The following UNC5C variants were observed in gnomAD, a reference collection of about 807,000 sequenced individuals.
UNC5C encodes unc-5 netrin receptor C, also known as netrin receptor UNC5C.
UNC5C carries 47 observed loss-of-function variants against 99.8 expected under a neutral mutation model. The ratio of observed to expected loss-of-function variants is 0.47; its 90% CI spans 0.37 to 0.60. The LOEUF (loss-of-function observed/expected upper bound fraction) is 0.60. UNC5C is among the 20% of genes least tolerant of loss of function. The pLI, the probability that UNC5C is intolerant of heterozygous loss-of-function variation, is 0.00. For synonymous variants in UNC5C, 487 were observed against 452.2 expected (o/e 1.08, Z -0.98); for missense variants, 1,062 against 1,165.9 (o/e 0.91, Z 1.30).
At chr4:95,533,135 C>T (rs370115803) in intron 1 of UNC5C, among the ~76,000 whole-genome samples, 38 of 152,090 alleles carry the variant, frequency 2.5e-4, no homozygotes, top group African/African-American at 8.2e-4. Flanking sequence ...TGATGGCTCA[C>T]GCCTGTAATC....
intron 7 of UNC5C, among the ~76,000 whole-genome samples, chr4:95,224,819 A>G (rs1738616718): frequency 6.6e-6 from 1 of 151,856 alleles, no homozygotes. Flanking sequence ...GTTTGGAGAT[A>G]TCAGGATGGC....
At chr4:95,338,064 A>G (rs1743415617) in intron 1 of UNC5C, among the ~76,000 whole-genome samples, 1 of 152,058 alleles carries the variant, frequency 6.6e-6, no homozygotes, top group African/African-American at 2.4e-5. Context: ...AACTTGATTT[A>G]GTAGATATGT....
chr4:95,292,977 AG>A (rs139805677), intron 3 of UNC5C, among the ~76,000 whole-genome samples: 1 of 152,328 alleles, frequency 6.6e-6, no homozygotes, highest in African/African-American at 2.4e-5. Flanking sequence ...ATAATGATGA[AG>A]AAAAATGTTA....
At chr4:95,543,962 GC>G in intron 1 of UNC5C, among the ~76,000 whole-genome samples, 1 of 152,148 alleles carries the variant, frequency 6.6e-6, no homozygotes, top group African/African-American at 2.4e-5. Context: ...TCCATTTCTT[GC>G]TTTTGGGGAA....
chr4:95,181,478 AC>A (rs149360808), intron 14 of UNC5C, among the ~76,000 whole-genome samples: 54 of 151,480 alleles, frequency 3.6e-4, no homozygotes, highest in Admixed American at 1.8e-3. Context: ...AGACCCCCTC[AC>A]CCCCCTCCAA....
At chr4:95,183,721 A>G (rs1478302765) in intron 13 of UNC5C, among the ~76,000 whole-genome samples, 1 of 152,204 alleles carries the variant, frequency 6.6e-6, no homozygotes, top group Non-Finnish European at 1.5e-5. Context: ...AGGTTGCCAC[A>G]TAAAAAATGG....
intron 3 of UNC5C, among the ~76,000 whole-genome samples, chr4:95,292,204 TATAC>T (rs1193929702): frequency 3.6e-5 from 4 of 110,388 alleles, no homozygotes; most frequent in Non-Finnish European, 5.7e-5. Flanking sequence ...TACACATATA[TATAC>T]ATATATATAC....
At position 95,365,990 on chromosome 4, in the gene UNC5C, T is replaced by A. The variant is rs188606958; in HGVS notation, c.125-30359A>T. On this transcript the variant is annotated intron_variant, in intron 1 of 15. Coordinates refer to ENST00000453304, the MANE Select transcript of UNC5C (RefSeq NM_003728.4). ...ATAAGCTGTAATATGCTATGTTTTC[T>A]TCCATTTGAAGAGAAATTAAATTTG... is the stretch of plus-strand genomic sequence containing the variant. 7.9e-4 allele frequency among the ~76,000 whole-genome samples: 121 copies of A among 152,288 alleles called. 5 individuals carry two copies. The East Asian group carries it at 0.014, about 18-fold the overall frequency.
intron 1 of UNC5C, among the ~76,000 whole-genome samples, chr4:95,479,178 AT>A (rs1334595903): frequency 6.6e-6 from 1 of 152,016 alleles, no homozygotes; most frequent in Non-Finnish European, 1.5e-5. Context: ...TACCTGCTCT[AT>A]TCTTATGTTG....
chr4:95,221,071 T>C (rs1738452449), intron 7 of UNC5C, among the ~76,000 whole-genome samples: 1 of 152,222 alleles, frequency 6.6e-6, no homozygotes, highest in Non-Finnish European at 1.5e-5. Context: ...AAATGTTGCA[T>C]GTTGCCTTGG....
At chr4:95,510,707 T>TG (rs1722048367) in intron 1 of UNC5C, among the ~76,000 whole-genome samples, 1 of 152,114 alleles carries the variant, frequency 6.6e-6, no homozygotes, top group Non-Finnish European at 1.5e-5. Flanking sequence ...TACAGTAACT[T>TG]GGACATCTCT....
At position 95,190,300 on chromosome 4, in the gene UNC5C, G is replaced by T. The variant is rs531900962; in HGVS notation, c.2137-5104C>A. Among the ~76,000 whole-genome samples, 963 of 150,652 alleles carry T rather than the reference G, an allele frequency of 6.4e-3. 11 individuals carry two copies. The highest frequency in any genetic ancestry group is 0.022 in the African/African-American group (894 of 40,892). On this transcript the variant is annotated intron_variant, in intron 12 of 15. Coordinates refer to ENST00000453304, the MANE Select transcript of UNC5C (RefSeq NM_003728.4). ...GTGGGAATTGAACAATGAGAACACA[G>T]GGACACAGGAAGGGGAACATCACAC...
chr4:95,169,125 T>G lies in UNC5C; in HGVS notation c.*109A>C, dbSNP rs953249334. On this transcript the variant is annotated 3_prime_UTR_variant, in exon 16 of 16. Coordinates refer to ENST00000453304, the MANE Select transcript of UNC5C (RefSeq NM_003728.4). Reference sequence around the variant, plus strand: ...TTCTGGCTCCTGCTGCAGTCTTGCCTGTGAAGTGCATTGGTCTCATCTGGA... The same window carrying G: ...TTCTGGCTCCTGCTGCAGTCTTGCCGGTGAAGTGCATTGGTCTCATCTGGA... 7.1e-6 allele frequency: 10 copies of G among 1,398,634 alleles called. 1 individual carries two copies. The Middle Eastern group carries it at 6.2e-4, about 87-fold the overall frequency. The allele number at this position is 1,398,634 out of a possible 1,614,324, so 86.6% of individuals were successfully genotyped here.
At chr4:95,528,178 T>G (rs901623606) in intron 1 of UNC5C, among the ~76,000 whole-genome samples, 51 of 152,332 alleles carry the variant, frequency 3.3e-4, no homozygotes, top group African/African-American at 1.1e-3. Flanking sequence ...AACATTCTTA[T>G]GTTTTGAATT....
chr4:95,457,016 TATTA>T (rs1262907553), intron 1 of UNC5C, among the ~76,000 whole-genome samples: 3 of 152,138 alleles, frequency 2.0e-5, no homozygotes, highest in African/African-American at 7.2e-5. Context: ...TTGCAGAACT[TATTA>T]GATACTCTTA....
At chr4:95,176,830 C>T (rs1213797070) in intron 14 of UNC5C, among the ~76,000 whole-genome samples, 1 of 152,232 alleles carries the variant, frequency 6.6e-6, no homozygotes. Context: ...GGCGGGGGCC[C>T]CTCCCCCAGC....
At chr4:95,194,202 C>T (rs1443704201) in intron 12 of UNC5C, among the ~76,000 whole-genome samples, 1 of 152,166 alleles carries the variant, frequency 6.6e-6, no homozygotes, top group Non-Finnish European at 1.5e-5. Context: ...CACTTGTCTA[C>T]CTCTGGGCGT....
At chr4:95,202,254 C>T (rs1012952629) in intron 12 of UNC5C, among the ~76,000 whole-genome samples, 3 of 152,068 alleles carry the variant, frequency 2.0e-5, no homozygotes, top group Non-Finnish European at 4.4e-5. Flanking sequence ...ATAATCACAC[C>T]AGGAATTAAG....
At chr4:95,199,335 G>A (rs1031538081) in intron 12 of UNC5C, among the ~76,000 whole-genome samples, 4 of 152,098 alleles carry the variant, frequency 2.6e-5, no homozygotes, top group African/African-American at 9.7e-5. Context: ...TGAAATAATT[G>A]TCTCTTCGGT....
Sources: allele counts gnomAD v4.1 joint callset (sites outside exome capture counted in the v4.1 genomes callset), GRCh38; gene constraint gnomAD v4.1.1; transcripts MANE v1.5; gene names NCBI Gene and HGNC (gene_info 2026-07-23, HGNC 2026-07-21).